Variants in SSX1 observed in about 807,000 individuals in gnomAD.
SSX1 encodes SSX family member 1.
SSX1 carries 58 observed loss-of-function variants against 14.6 expected under a neutral mutation model. The ratio of observed to expected loss-of-function variants is 3.96; its 90% CI spans 3.21 to 4.93. The LOEUF (loss-of-function observed/expected upper bound fraction) is 4.93, where lower values mean the gene tolerates loss of function less well. Ranked by LOEUF, SSX1 falls within the 30% of genes most tolerant of loss-of-function variation. SSX1 has a pLI of 0.00. For missense variants in SSX1, 272 were observed against 143.1 expected (o/e 1.90, Z -4.60); for synonymous variants, 46 against 52.1 (o/e 0.88, Z 0.50).
intron 4 of SSX1, 107 bp from the exon 5 acceptor site, chrX:48,261,659 G>C (rs1364787473): frequency 5.0e-5 from 43 of 860,967 alleles, no homozygotes; most frequent in African/African-American, 4.4e-4. Context: ...CCTCAACAAT[G>C]AGTGGACTCA....
chrX:48,266,743 G>A (rs1192088282), intron 7 of SSX1, 111 bp from the exon 8 acceptor site: 1 of 558,484 alleles, frequency 1.8e-6, no homozygotes, highest in Non-Finnish European at 3.0e-6. Context: ...AGGTCCTGGG[G>A]TAGGGCAGAA....
At chrX:48,257,091 C>A in intron 1 of SSX1, 131 bp from the exon 2 acceptor site, 1 of 540,946 alleles carries the variant, frequency 1.8e-6, no homozygotes, top group Non-Finnish European at 3.1e-6. Context: ...TACCCATGGA[C>A]AGGTAAGCCC....
At chrX:48,263,163 G>T (rs1385724703) in intron 5 of SSX1, among the ~76,000 whole-genome samples, 1 of 110,184 alleles carries the variant, frequency 9.1e-6, no homozygotes, top group Non-Finnish European at 1.9e-5. Context: ...AATATTGTTG[G>T]TCAGTGACAC....
rs781913674 is a variant in SSX1, at chrX:48,261,810, C to T, written c.325C>T (p.Pro109Ser). Residue 109 changes from proline to serine, a missense_variant, in exon 5 of 8, where the codon CCG becomes TCG. Physicochemically the swap from Pro to Ser is moderately conservative, Grantham distance 74. Transcript: ENST00000376919. Reference sequence around the variant, plus strand: ...TTTCGGCAGGCTCCACAGAATCATCCCGAAGGTGAGTATCTCTCAAATCTA... The same window carrying T: ...TTTCGGCAGGCTCCACAGAATCATCTCGAAGGTGAGTATCTCTCAAATCTA... Reference protein sequence around the residue: ...MTFGRLHRIIPKIMPKKPAED... With the variant: ...MTFGRLHRIISKIMPKKPAED... 1.7e-6 allele frequency: 2 copies of T among 1,210,448 alleles called. No individual in the cohort carries two copies. Among genetic ancestry groups the T allele is most frequent in the South Asian group, 3.5e-5 (2 of 56,914 alleles).
intron 4 of SSX1, among the ~76,000 whole-genome samples, chrX:48,260,332 A>T (rs1556935293): frequency 1.8e-5 from 2 of 110,262 alleles, no homozygotes; most frequent in Non-Finnish European, 3.8e-5. Context: ...GTTTGAGTTC[A>T]TTGTAGATTC....
chrX:48,263,228 A>G (rs1356704558), intron 5 of SSX1, among the ~76,000 whole-genome samples: 5 of 111,121 alleles, frequency 4.5e-5, no homozygotes, highest in Admixed American at 9.6e-5. Flanking sequence ...TCCACATTCA[A>G]TGTTGGTGCC....
Position 48,257,770 on chromosome X carries a change from T to G in SSX1, c.94T>G (p.Phe32Val), listed in dbSNP as rs1488032333. 6 of 1,204,107 alleles carry G rather than the reference T, an allele frequency of 5.0e-6. No individual in the cohort carries two copies. The highest frequency in any genetic ancestry group is 3.0e-5 in the East Asian group (1 of 33,673). Residue 32 changes from phenylalanine (F) to valine (V), a missense_variant, in exon 3 of 8, where the codon TTC (phenylalanine) becomes GTC (valine). Transcript: ENST00000376919. ...SKAFDDIATY[F>V]SKKEWKKMKY... ...GGCCTTTGATGATATTGCCACATAC[T>G]TCTCTAAGAAAGAGTGGAAAAAGAT...
intron 1 of SSX1, among the ~76,000 whole-genome samples, chrX:48,256,211 C>T (rs1280172061): frequency 9.1e-6 from 1 of 110,091 alleles, no homozygotes; most frequent in Non-Finnish European, 1.9e-5. Flanking sequence ...GCTATGTTGG[C>T]CAGGCTGGCC....
At chrX:48,257,445 C>G in intron 2 of SSX1, 135 bp downstream of exon 2, 1 of 1,167,798 alleles carries the variant, frequency 8.6e-7, no homozygotes, top group South Asian at 2.0e-5. Flanking sequence ...TTGGGAGCCT[C>G]CCACCTGTGT....
rs782060573 is a variant in SSX1, at chrX:48,257,833, A to T, written c.157A>T (p.Arg53Ter). ...SEKISYVYMK[R>*]NYKAMTKLGF... Reference sequence around the variant, plus strand: ...GAAAATCAGCTATGTGTATATGAAGAGAAACTATAAGGCCATGACTAAACT... The same window carrying T: ...GAAAATCAGCTATGTGTATATGAAGTGAAACTATAAGGCCATGACTAAACT... The change falls in exon 3 of 8, where the codon AGA becomes TGA. Residue 53 changes from arginine (R) to a stop codon, truncating the protein, a stop_gained. Transcript: ENST00000376919. LOFTEE classifies it high-confidence loss of function. 8.4e-7 allele frequency: 1 copy of T among 1,196,967 alleles called. No homozygotes were observed. Among genetic ancestry groups the T allele is most frequent in the Admixed American group, 2.2e-5 (1 of 45,167 alleles).
intron 6 of SSX1, among the ~76,000 whole-genome samples, chrX:48,265,884 T>A (rs1334798468): frequency 9.0e-6 from 1 of 111,317 alleles, no homozygotes; most frequent in Non-Finnish European, 1.9e-5. Flanking sequence ...ACAGATATAA[T>A]AATAATGGAA....
chrX:48,258,251 G>A (rs1355518416), intron 3 of SSX1, among the ~76,000 whole-genome samples: 4 of 91,998 alleles, frequency 4.3e-5, no homozygotes, highest in Non-Finnish European at 8.3e-5. Flanking sequence ...GAGTGTAGTA[G>A]TGCAATCATA....
intron 1 of SSX1, among the ~76,000 whole-genome samples, chrX:48,256,600 C>T (rs1456754571): frequency 1.4e-4 from 15 of 108,545 alleles, no homozygotes; most frequent in African/African-American, 4.7e-4. Context: ...TGCGCCTGGC[C>T]GATTGCTGCA....
In SSX1 at chrX:48,257,112, A is replaced by C. The variant is rs1235731647; in HGVS notation, c.-20-110A>C. On this transcript the variant is annotated intron_variant, in intron 1 of 7. Transcript: ENST00000376919. ...TGGACAGGTAAGCCCCGAATGGAGA[A>C]ATGCAACCCCTAATTCCAGGTGACT... 5 of 711,821 alleles carry C rather than the reference A, an allele frequency of 7.0e-6. No homozygotes were observed. In the African/African-American group the frequency reaches 1.1e-4, roughly 15 times the overall value. The allele number at this position is 711,821 out of a possible 1,213,427, so 58.7% of individuals were successfully genotyped here. A position where few individuals can be genotyped will look rare whatever the true frequency, so the allele number is the denominator to read the frequency against.
intron 5 of SSX1, among the ~76,000 whole-genome samples, chrX:48,263,195 G>T (rs1214015900): frequency 9.0e-6 from 1 of 111,009 alleles, no homozygotes; most frequent in African/African-American, 3.3e-5. Flanking sequence ...ACCAGAATTG[G>T]TATGGGTACC....
chrX:48,266,044 G>A (rs782105571), intron 6 of SSX1, among the ~76,000 whole-genome samples: 1 of 112,001 alleles, frequency 8.9e-6, no homozygotes, highest in East Asian at 2.8e-4. Flanking sequence ...TCCCGTAAGT[G>A]AAGAGGTTGG....
Position 48,264,271 on chromosome X carries a change from C to A in SSX1, c.466+354C>A, listed in dbSNP as rs782494732. 2.7e-5 allele frequency among the ~76,000 whole-genome samples: 3 copies of A among 112,130 alleles called. No individual in the cohort carries two copies. In the South Asian group the frequency reaches 1.1e-3, roughly 42 times the overall value. On this transcript the variant is annotated intron_variant, in intron 6 of 7. Coordinates refer to ENST00000376919, the MANE Select transcript of SSX1 (RefSeq NM_005635.4). ...CTCAAGCGATTCTATCTGTGATAAC[C>A]TGGGATCATATCTTACTCAGCTCAA...
At chrX:48,260,325 T>A (rs1206920816) in intron 4 of SSX1, among the ~76,000 whole-genome samples, 1 of 110,949 alleles carries the variant, frequency 9.0e-6, no homozygotes, top group Non-Finnish European at 1.9e-5. Context: ...TAAATTTGTT[T>A]GAGTTCATTG....
chrX:48,258,185 C>A lies in SSX1; in HGVS notation c.184+325C>A, dbSNP rs782060083. 1.2e-4 allele frequency among the ~76,000 whole-genome samples: 9 copies of A among 72,944 alleles called. No individual in the cohort carries two copies. In the South Asian group the frequency reaches 6.3e-3, roughly 51 times the overall value. The allele number at this position is 72,944 out of a possible 115,157, so 63.3% of individuals were successfully genotyped here. On this transcript the variant is annotated intron_variant, in intron 3 of 7. Coordinates refer to ENST00000376919, the MANE Select transcript of SSX1 (RefSeq NM_005635.4). ...AGCTTGTCTCTTTCTCTCTCTCTCCCTTTTTTTTTTTTTTTTTTTTTTTTG... is the reference window on the plus strand; with the variant it reads ...AGCTTGTCTCTTTCTCTCTCTCTCCATTTTTTTTTTTTTTTTTTTTTTTTG...
Sources: allele counts gnomAD v4.1 joint callset (sites outside exome capture counted in the v4.1 genomes callset), GRCh38; gene constraint gnomAD v4.1.1; transcripts MANE v1.5; gene names NCBI Gene and HGNC (gene_info 2026-07-23, HGNC 2026-07-21).